OCIAD2: variants seen among roughly 807,000 people sequenced by gnomAD.
OCIAD2 encodes the protein OCIA domain-containing protein 2.
In OCIAD2, 29 loss-of-function variants were observed where a neutral mutation model predicts 22.9. The observed-to-expected ratio is 1.27, with a 90% confidence interval of 0.94 to 1.73. OCIAD2 has a LOEUF of 1.73. Among genes scored for constraint, OCIAD2 ranks in the 40% most tolerant of loss-of-function variants. The pLI is 0.00. For missense variants in OCIAD2, 189 were observed against 180.3 expected, an observed-to-expected ratio of 1.05 and a Z score of -0.28; for synonymous variants, 67 against 60.2, an observed-to-expected ratio of 1.11 and a Z score of -0.52.
In OCIAD2 at chr4:48,894,046, C is replaced by T. The variant is rs1560458722; in HGVS notation, c.225G>A (p.Leu75=). 7.4e-6 allele frequency: 11 copies of T among 1,486,704 alleles called. No homozygotes were observed. The highest frequency in any genetic ancestry group is 1.0e-5 in the Non-Finnish European group (11 of 1,104,940). The allele number at this position is 1,486,704 out of a possible 1,614,324, so 92.1% of individuals were successfully genotyped here. ...VTQGLVYQGY[L]AANSRFGSLP... is the part of the protein sequence containing the mutation. Reference sequence around the variant, plus strand: ...ATGATCCAAATCTAGAATTAGCTGCCAAATAACCTAAGGAGTAATAAAGAA... The same window carrying T: ...ATGATCCAAATCTAGAATTAGCTGCTAAATAACCTAAGGAGTAATAAAGAA... The change falls in exon 5 of 7, where the codon TTG becomes TTA. Residue 75 remains leucine (L), a synonymous_variant. Transcript: ENST00000508632.
At chr4:48,896,699 C>T (rs2109676844) in intron 4 of OCIAD2, among the ~76,000 whole-genome samples, 1 of 152,104 alleles carries the variant, frequency 6.6e-6, no homozygotes, top group Middle Eastern at 3.4e-3. Context: ...CTCAGGAGGT[C>T]TAGTGGCGAG....
At chr4:48,900,617 G>C (rs752593685) in intron 2 of OCIAD2, among the ~76,000 whole-genome samples, 10 of 147,486 alleles carry the variant, frequency 6.8e-5, no homozygotes, top group Non-Finnish European at 1.2e-4. Context: ...ATCGTTGTGG[G>C]TACATAGTAG....
Position 48,906,152 on chromosome 4 carries a change from C to G in OCIAD2, c.-63+506G>C, listed in dbSNP as rs531676123. ...CGGTGGCCAGGTCCCCTGGCACCCACTTAGTCCTCAGTCTGCACCTAAAAG... is the reference window on the plus strand; with the variant it reads ...CGGTGGCCAGGTCCCCTGGCACCCAGTTAGTCCTCAGTCTGCACCTAAAAG... On this transcript the variant is annotated intron_variant, in intron 1 of 6. Transcript: ENST00000508632. 9.8e-5 allele frequency among the ~76,000 whole-genome samples: 15 copies of G among 152,342 alleles called. No homozygotes were observed. In the South Asian group the frequency reaches 3.1e-3, roughly 32 times the overall value.
chr4:48,900,087 A>C (rs1254932808), intron 2 of OCIAD2, among the ~76,000 whole-genome samples, 162 bp from the exon 3 acceptor site: 1 of 152,172 alleles, frequency 6.6e-6, no homozygotes, highest in African/African-American at 2.4e-5. Flanking sequence ...GTGCTTTCTC[A>C]CTGGGAACAC....
intron 5 of OCIAD2, 122 bp from the exon 6 acceptor site, chr4:48,893,011 G>T: frequency 1.7e-6 from 1 of 603,378 alleles, no homozygotes; most frequent in Admixed American, 2.9e-5. Flanking sequence ...AATGAATGAA[G>T]ACTCTGAGAA....
At chr4:48,901,378 C>T (rs1473355914) in intron 2 of OCIAD2, among the ~76,000 whole-genome samples, 2 of 152,178 alleles carry the variant, frequency 1.3e-5, no homozygotes, top group South Asian at 4.1e-4. Context: ...CTAGACCGCT[C>T]TCAATTGTTG....
In OCIAD2 at chr4:48,894,036, A is replaced by G; in HGVS notation, c.235T>C (p.Ser79Pro). 1 of 1,506,116 alleles carries G rather than the reference A, an allele frequency of 6.6e-7. No homozygotes were observed. The highest frequency in any genetic ancestry group is 8.9e-7 in the Non-Finnish European group (1 of 1,120,238). 93.3% of individuals were successfully genotyped at this position (1,506,116 alleles called of 1,614,324 possible). Residue 79 changes from serine (S) to proline (P), a missense_variant, in exon 5 of 7, where the codon TCT (serine) becomes CCT (proline). Transcript: ENST00000508632. Reference sequence around the variant, plus strand: ...ACTTTGGGCAATGATCCAAATCTAGAATTAGCTGCCAAATAACCTAAGGAG... The same window carrying G: ...ACTTTGGGCAATGATCCAAATCTAGGATTAGCTGCCAAATAACCTAAGGAG... The part of the protein sequence containing the change: ...LVYQGYLAAN[S>P]RFGSLPKVAL...
intron 4 of OCIAD2, 44 bp from the exon 5 acceptor site, chr4:48,894,097 TTAAATTATAAGTTA>T (rs777352564): frequency 2.9e-6 from 3 of 1,019,116 alleles, no homozygotes; most frequent in South Asian, 2.3e-5. Flanking sequence ...ATTTCATAAA[TTAAATTATAAGTTA>T]TAAATTATAA....
chr4:48,893,746 G>C (rs1307312402), intron 5 of OCIAD2: 1 of 242,574 alleles, frequency 4.1e-6, no homozygotes, highest in Non-Finnish European at 7.7e-6. Flanking sequence ...CAGAAAATAG[G>C]GGCTGATTTT....
intron 6 of OCIAD2, among the ~76,000 whole-genome samples, chr4:48,891,940 A>T (rs1781188508): frequency 6.6e-6 from 1 of 152,254 alleles, no homozygotes; most frequent in African/African-American, 2.4e-5. Flanking sequence ...GCAGCTCATC[A>T]GAAAGAGACA....
At chr4:48,906,277 G>A (rs1478111839) in intron 1 of OCIAD2, among the ~76,000 whole-genome samples, 3 of 152,164 alleles carry the variant, frequency 2.0e-5, no homozygotes, top group African/African-American at 7.2e-5. Flanking sequence ...GAAGGGACCC[G>A]TGGGTTCGTG....
intron 4 of OCIAD2, among the ~76,000 whole-genome samples, chr4:48,896,501 G>T (rs1203598798): frequency 6.6e-6 from 1 of 152,136 alleles, no homozygotes; most frequent in Non-Finnish European, 1.5e-5. Flanking sequence ...GCTGAGATGG[G>T]AGCGTCACTC....
intron 5 of OCIAD2, chr4:48,893,729 A>G (rs546861431): frequency 4.5e-5 from 10 of 222,610 alleles, no homozygotes; most frequent in Non-Finnish European, 7.8e-5. Flanking sequence ...TAAGAAATGC[A>G]GAGTGGCAGA....
intron 3 of OCIAD2, 101 bp from the exon 4 acceptor site, chr4:48,897,958 G>T: frequency 1.3e-6 from 1 of 773,730 alleles, no homozygotes; most frequent in South Asian, 1.5e-5. Flanking sequence ...TACCTTCCTT[G>T]GCAGTGAATT....
In OCIAD2 at chr4:48,902,028, A is replaced by C. The variant is rs373362407; in HGVS notation, c.67-2103T>G. 2.3e-3 allele frequency among the ~76,000 whole-genome samples: 349 copies of C among 152,044 alleles called. 1 individual carries two copies. Among genetic ancestry groups the C allele is most frequent in the African/African-American group, 7.7e-3 (318 of 41,466 alleles). Reference sequence around the variant, plus strand: ...GTGTTTGTCCCGCTTTGGCTTCCCAAAGTGCTGGGGTTACAGGTATGAGTC... The same window carrying C: ...GTGTTTGTCCCGCTTTGGCTTCCCACAGTGCTGGGGTTACAGGTATGAGTC... On this transcript the variant is annotated intron_variant, in intron 2 of 6. Coordinates refer to ENST00000508632, the MANE Select transcript of OCIAD2 (RefSeq NM_001014446.3).
chr4:48,888,105 G>GA (rs1302120845), intron 6 of OCIAD2, among the ~76,000 whole-genome samples: 3 of 152,082 alleles, frequency 2.0e-5, no homozygotes, highest in South Asian at 2.1e-4. Flanking sequence ...AAGCAATTGT[G>GA]ATGGGAGTTC....
Position 48,904,599 on chromosome 4 carries a change from C to T in OCIAD2, c.-50G>A. 1 of 1,532,192 alleles carries T rather than the reference C, an allele frequency of 6.5e-7. No homozygotes were observed. Among genetic ancestry groups the T allele is most frequent in the Non-Finnish European group, 9.0e-7 (1 of 1,105,946 alleles). 94.9% of individuals were successfully genotyped at this position (1,532,192 alleles called of 1,614,324 possible). On this transcript the variant is annotated 5_prime_UTR_variant, in exon 2 of 7. Transcript: ENST00000508632. ...CCAGTTGTTTATCCTCTGCTTACTC[C>T]TTGACCCAGTGTCTAAGGAAGGTAG...
intron 6 of OCIAD2, 151 bp from the exon 7 acceptor site, chr4:48,885,716 G>A: frequency 1.8e-6 from 1 of 543,824 alleles, no homozygotes; most frequent in Non-Finnish European, 3.3e-6. Flanking sequence ...GGTCTCGAGG[G>A]CTCAAGGGAT....
At chr4:48,900,693 C>T (rs766828323) in intron 2 of OCIAD2, among the ~76,000 whole-genome samples, 7 of 147,974 alleles carry the variant, frequency 4.7e-5, no homozygotes, top group Non-Finnish European at 7.4e-5. Context: ...AATGCAAGGG[C>T]GTGATCTTGG....
Sources: gnomAD v4.1 joint callset for allele counts (sites outside exome capture counted in the v4.1 genomes callset) on GRCh38, gnomAD v4.1.1 for gene constraint, MANE v1.5 for transcripts, NCBI Gene and HGNC (gene_info 2026-07-23, HGNC 2026-07-21) for gene names.